Variants in LEPR observed in about 807,000 individuals in gnomAD.
The protein encoded by LEPR is leptin receptor.
LEPR carries 56 observed loss-of-function variants against 114.7 expected under a neutral mutation model. That is an observed-to-expected ratio of 0.49 (90% CI 0.39 to 0.61). LEPR has a LOEUF of 0.61. Ranked by LOEUF, LEPR falls within the 20% of genes least tolerant of loss-of-function variation. The pLI is 0.00. For synonymous variants in LEPR, 443 were observed against 461.4 expected (o/e 0.96, Z 0.51); for missense variants, 1,202 against 1,352.9 (o/e 0.89, Z 1.75).
chr1:65,450,411 T>G (rs1646767898), intron 2 of LEPR, among the ~76,000 whole-genome samples: 1 of 142,296 alleles, frequency 7.0e-6, no homozygotes, highest in African/African-American at 2.6e-5. Context: ...TATCTCCCAA[T>G]GCTATCCCTC....
intron 2 of LEPR, among the ~76,000 whole-genome samples, chr1:65,459,518 G>C (rs773888427): frequency 6.6e-6 from 1 of 152,130 alleles, no homozygotes; most frequent in Admixed American, 6.6e-5. Flanking sequence ...AACCAAAAAA[G>C]CACTCAAATC....
At chr1:65,604,979 A>G in intron 10 of LEPR, 59 bp from the exon 11 acceptor site, 1 of 1,592,848 alleles carries the variant, frequency 6.3e-7, no homozygotes, top group African/African-American at 1.3e-5. Context: ...GAATTCTCAG[A>G]TATCTTCTTG....
At chr1:65,490,606 A>G (rs1647815534) in intron 2 of LEPR, among the ~76,000 whole-genome samples, 1 of 152,124 alleles carries the variant, frequency 6.6e-6, no homozygotes. Context: ...TGGCTTTTAG[A>G]GGAAAGAGAT....
At chr1:65,540,290 A>G (rs897175364) in intron 2 of LEPR, among the ~76,000 whole-genome samples, 7 of 152,038 alleles carry the variant, frequency 4.6e-5, no homozygotes, top group Admixed American at 1.3e-4. Flanking sequence ...GCTAATTGAT[A>G]TGGTTTGGAT....
At chr1:65,475,440 G>A (rs1647146184) in intron 2 of LEPR, among the ~76,000 whole-genome samples, 1 of 152,138 alleles carries the variant, frequency 6.6e-6, no homozygotes, top group Non-Finnish European at 1.5e-5. Flanking sequence ...GTTGAGCAGA[G>A]CCAACACAAA....
intron 2 of LEPR, among the ~76,000 whole-genome samples, chr1:65,521,412 C>G (rs1379905937): frequency 2.6e-5 from 4 of 152,128 alleles, no homozygotes; most frequent in Non-Finnish European, 5.9e-5. Flanking sequence ...CTTGCATGTA[C>G]AGTCAACTGA....
chr1:65,518,301 G>C (rs1649390901), intron 2 of LEPR, among the ~76,000 whole-genome samples: 2 of 152,142 alleles, frequency 1.3e-5, no homozygotes. Context: ...ATTCACTCCT[G>C]AAGAAAAGAA....
At chr1:65,508,207 C>T (rs1278475119) in intron 2 of LEPR, among the ~76,000 whole-genome samples, 1 of 152,126 alleles carries the variant, frequency 6.6e-6, no homozygotes, top group Non-Finnish European at 1.5e-5. Flanking sequence ...TCCCATCTGT[C>T]TATTTTTGCT....
chr1:65,607,183 G>C (rs1302879187), intron 11 of LEPR, among the ~76,000 whole-genome samples: 1 of 152,136 alleles, frequency 6.6e-6, no homozygotes, highest in African/African-American at 2.4e-5. Context: ...GTTATGGTTT[G>C]GGTTATTTAG....
At chr1:65,449,303 A>G (rs1450270479) in intron 2 of LEPR, among the ~76,000 whole-genome samples, 1 of 149,676 alleles carries the variant, frequency 6.7e-6, no homozygotes, top group Non-Finnish European at 1.5e-5. Context: ...TTGGAAAAAA[A>G]GAGCAATTGA....
intron 6 of LEPR, among the ~76,000 whole-genome samples, chr1:65,593,956 T>G (rs187239225): frequency 6.6e-6 from 1 of 152,136 alleles, no homozygotes; most frequent in Admixed American, 6.6e-5. Context: ...ATGAAGTAGG[T>G]AAGGGAAAGT....
intron 4 of LEPR, among the ~76,000 whole-genome samples, chr1:65,571,717 G>A (rs1411823194): frequency 1.4e-5 from 2 of 148,012 alleles, no homozygotes; most frequent in East Asian, 4.0e-4. Context: ...CATTTAGGAG[G>A]CCTAGGCGGG....
intron 2 of LEPR, among the ~76,000 whole-genome samples, chr1:65,518,873 T>C (rs997527376): frequency 6.0e-5 from 7 of 117,322 alleles, no homozygotes; most frequent in Admixed American, 8.9e-5. Context: ...CTTTCTTTCT[T>C]TTTCTTTCTT....
intron 2 of LEPR, among the ~76,000 whole-genome samples, chr1:65,481,555 A>G (rs1328712521): frequency 6.6e-6 from 1 of 152,130 alleles, no homozygotes; most frequent in Non-Finnish European, 1.5e-5. Flanking sequence ...AAAATAAAAG[A>G]TAAGAAAAAG....
At chr1:65,527,912 A>C (rs1167448593) in intron 2 of LEPR, among the ~76,000 whole-genome samples, 1 of 152,168 alleles carries the variant, frequency 6.6e-6, no homozygotes, top group Non-Finnish European at 1.5e-5. Flanking sequence ...AGTCATTTGG[A>C]AAACAACTGA....
chr1:65,523,165 A>G (rs901005401), intron 2 of LEPR, among the ~76,000 whole-genome samples: 1 of 152,178 alleles, frequency 6.6e-6, no homozygotes, highest in Non-Finnish European at 1.5e-5. Flanking sequence ...TTCTGTAACA[A>G]TGGTCACTTG....
intron 2 of LEPR, among the ~76,000 whole-genome samples, chr1:65,564,694 A>G (rs1010949366): frequency 3.3e-5 from 5 of 152,220 alleles, no homozygotes; most frequent in Non-Finnish European, 7.3e-5. Context: ...ACCATCTAAC[A>G]GTCTGATTTG....
rs1212108212 is a variant in LEPR, at chr1:65,636,716, T to G, written c.3199T>G (p.Phe1067Val). ...TGAACTTTTGAAATTGGAGGGAAAT[T>G]TCCCTGAAGAAAATAATGATAAAAA... ...LDELLKLEGN[F>V]PEENNDKKSI... The change falls in exon 20 of 20, where the codon TTC (phenylalanine) becomes GTC (valine). Residue 1067 changes from phenylalanine (F) to valine (V), a missense_variant. Phe to Val is a conservative substitution (Grantham distance 50). Transcript: ENST00000349533. 6.2e-7 allele frequency: 1 copy of G among 1,608,844 alleles called. No individual in the cohort carries two copies. The highest frequency in any genetic ancestry group is 8.5e-7 in the Non-Finnish European group (1 of 1,177,732).
intron 2 of LEPR, among the ~76,000 whole-genome samples, chr1:65,461,849 C>G (rs1646950200): frequency 6.6e-6 from 1 of 152,142 alleles, no homozygotes; most frequent in South Asian, 2.1e-4. Context: ...ATAAGAAAGG[C>G]ATATTATTTC....
Sources: gnomAD v4.1 joint callset for allele counts (sites outside exome capture counted in the v4.1 genomes callset) on GRCh38, gnomAD v4.1.1 for gene constraint, MANE v1.5 for transcripts, NCBI Gene and HGNC (gene_info 2026-07-23, HGNC 2026-07-21) for gene names.